GATAD2A: variants seen among roughly 807,000 people sequenced by gnomAD.
GATAD2A encodes transcriptional repressor p66-alpha.
In GATAD2A, 12 loss-of-function variants were observed where a neutral mutation model predicts 68.5. The ratio of observed to expected loss-of-function variants is 0.18; its 90% CI spans 0.11 to 0.28. The LOEUF is 0.28. Ranked by LOEUF, GATAD2A falls within the 10% of genes least tolerant of loss-of-function variation. The pLI, the probability that GATAD2A is intolerant of heterozygous loss-of-function variation, is 1.00. For synonymous variants in GATAD2A, 410 were observed against 375.3 expected, an observed-to-expected ratio of 1.09 and a Z score of -1.07; for missense variants, 755 against 868.5, an observed-to-expected ratio of 0.87 and a Z score of 1.64.
At chr19:19,428,161 C>T (rs1171012125) in intron 1 of GATAD2A, among the ~76,000 whole-genome samples, 1 of 152,194 alleles carries the variant, frequency 6.6e-6, no homozygotes, top group African/African-American at 2.4e-5. Flanking sequence ...TCCTTTAATA[C>T]TGCAATACAT....
chr19:19,429,171 G>C (rs761467278), intron 1 of GATAD2A: 85 of 985,100 alleles, frequency 8.6e-5, no homozygotes, highest in Admixed American at 5.5e-4. Flanking sequence ...ATGGAGCATG[G>C]AGCCTTTGGG....
At chr19:19,451,297 C>T (rs1006302839) in intron 1 of GATAD2A, among the ~76,000 whole-genome samples, 1 of 152,056 alleles carries the variant, frequency 6.6e-6, no homozygotes, top group African/African-American at 2.4e-5. Context: ...AGGGGAATCA[C>T]TTGAACCCAG....
intron 2 of GATAD2A, among the ~76,000 whole-genome samples, chr19:19,470,920 C>T (rs888594494): frequency 6.6e-6 from 1 of 152,182 alleles, no homozygotes; most frequent in African/African-American, 2.4e-5. Context: ...TGTGTCCACA[C>T]AGACAGGTAC....
At chr19:19,483,116 G>A (rs544885118) in intron 2 of GATAD2A, among the ~76,000 whole-genome samples, 2 of 152,312 alleles carry the variant, frequency 1.3e-5, no homozygotes, top group Admixed American at 6.5e-5. Context: ...GCTGGGGGCG[G>A]GCACTGCATG....
intron 1 of GATAD2A, among the ~76,000 whole-genome samples, chr19:19,387,422 C>T (rs993399920): frequency 6.6e-5 from 10 of 152,010 alleles, no homozygotes; most frequent in East Asian, 5.8e-4. Flanking sequence ...TGGGTTCAAG[C>T]GACTCTTCTG....
At chr19:19,504,296 G>T (rs2060736689) in intron 11 of GATAD2A, among the ~76,000 whole-genome samples, 1 of 152,214 alleles carries the variant, frequency 6.6e-6, no homozygotes, top group Non-Finnish European at 1.5e-5. Context: ...TTATAAAAAT[G>T]ATATTTGTCC....
At position 19,396,999 on chromosome 19, in the gene GATAD2A, C is replaced by T. The variant is rs146077837; in HGVS notation, c.-7+10861C>T. 1.9e-4 allele frequency among the ~76,000 whole-genome samples: 29 copies of T among 152,296 alleles called. No homozygotes were observed. The East Asian group carries it at 4.1e-3, about 21-fold the overall frequency. On this transcript the variant is annotated intron_variant, in intron 1 of 11. Coordinates refer to the GATAD2A transcript ENST00000360315. ...GGGATTACAGGCGTGAGCCACTGCT[C>T]CCAGCCGTTAGGTTTCTTAAGTGGC...
intron 1 of GATAD2A, among the ~76,000 whole-genome samples, chr19:19,421,431 G>A (rs1023032188): frequency 6.6e-6 from 1 of 152,194 alleles, no homozygotes; most frequent in Non-Finnish European, 1.5e-5. Context: ...TGTCTTGCAT[G>A]TAGGTTGGGT....
At chr19:19,491,091 G>A (rs1484635452) in intron 2 of GATAD2A, among the ~76,000 whole-genome samples, 2 of 152,166 alleles carry the variant, frequency 1.3e-5, no homozygotes, top group African/African-American at 4.8e-5. Flanking sequence ...ACAGGAAAGG[G>A]AAAATCAGAC....
In GATAD2A at chr19:19,501,403, C is replaced by T. The variant is rs11541379; in HGVS notation, c.1490C>T (p.Pro497Leu). 2 of 1,598,992 alleles carry T rather than the reference C, an allele frequency of 1.3e-6. No individual in the cohort carries two copies. Among genetic ancestry groups the T allele is most frequent in the Non-Finnish European group, 1.7e-6 (2 of 1,173,576 alleles). Residue 497 changes from proline (P) to leucine (L), a missense_variant, in exon 9 of 12, where the codon CCC becomes CTC. Pro to Leu is a moderately conservative substitution (Grantham distance 98). Coordinates refer to ENST00000683918, the MANE Select transcript of GATAD2A (RefSeq NM_001384528.1). ...GCCGAGCCCACCGCTGCCCCACACC[C>T]CGTGCTGAAGCAGGTGAGCCTGGCC... ...AKAEPTAAPH[P>L]VLKQVIKPRR...
intron 2 of GATAD2A, among the ~76,000 whole-genome samples, chr19:19,489,895 C>T (rs1054864475): frequency 2.0e-5 from 3 of 152,206 alleles, no homozygotes; most frequent in African/African-American, 7.2e-5. Context: ...TGTGCTGAAG[C>T]CTTGGGACTG....
upstream of GATAD2A, among the ~76,000 whole-genome samples, chr19:19,404,069 C>T (rs1219257243): frequency 1.3e-5 from 2 of 151,868 alleles, no homozygotes; most frequent in African/African-American, 4.8e-5. Flanking sequence ...CTCTTTTGGC[C>T]TAGGGGAGGT....
At chr19:19,407,002 G>T (rs370376772) in intron 1 of GATAD2A, among the ~76,000 whole-genome samples, 2 of 152,346 alleles carry the variant, frequency 1.3e-5, no homozygotes, top group East Asian at 3.9e-4. Flanking sequence ...ATCAAAGTCC[G>T]AGTGAGTCAC....
At chr19:19,415,148 CT>C (rs57295102) in intron 1 of GATAD2A, among the ~76,000 whole-genome samples, 156 of 126,280 alleles carry the variant, frequency 1.2e-3, no homozygotes, top group African/African-American at 2.6e-3. Flanking sequence ...GATGTCTTTA[CT>C]TTTTTTTTTT....
chr19:19,452,957 G>A (rs1451197409), intron 1 of GATAD2A, among the ~76,000 whole-genome samples: 3 of 152,122 alleles, frequency 2.0e-5, no homozygotes, highest in African/African-American at 4.8e-5. Flanking sequence ...AAACGACCTC[G>A]CTCTCCCTCA....
intron 1 of GATAD2A, among the ~76,000 whole-genome samples, chr19:19,426,787 T>A (rs1459909442): frequency 6.6e-6 from 1 of 152,234 alleles, no homozygotes; most frequent in Non-Finnish European, 1.5e-5. Flanking sequence ...GTGCTGGGAT[T>A]ACAGGCGTGA....
chr19:19,434,835 A>G (rs538359720), intron 1 of GATAD2A, among the ~76,000 whole-genome samples: 3 of 152,328 alleles, frequency 2.0e-5, no homozygotes, highest in East Asian at 1.9e-4. Flanking sequence ...CTCTCTGGAC[A>G]GCATCCCATG....
chr19:19,397,356 CCTCAGCAGGAGAATGAGTAATGT>C (rs535505168), intron 1 of GATAD2A, among the ~76,000 whole-genome samples: 120 of 152,126 alleles, frequency 7.9e-4, no homozygotes, highest in African/African-American at 2.7e-3. Flanking sequence ...GATTCTCCTG[CCTCAGCAGGAGAATGAGTAATGT>C]GTAATGAGGC....
intron 1 of GATAD2A, among the ~76,000 whole-genome samples, chr19:19,442,519 C>T (rs1600137632): frequency 2.0e-5 from 3 of 152,112 alleles, no homozygotes; most frequent in Admixed American, 2.0e-4. Flanking sequence ...CCCAGCTACT[C>T]GAGAGGCTGA....
Sources: gnomAD v4.1 joint callset for allele counts (sites outside exome capture counted in the v4.1 genomes callset) on GRCh38, gnomAD v4.1.1 for gene constraint, MANE v1.5 for transcripts, NCBI Gene and HGNC (gene_info 2026-07-23, HGNC 2026-07-21) for gene names.